Variants in PRPF6 observed in about 807,000 individuals in gnomAD.
The protein encoded by PRPF6 is pre-mRNA-processing factor 6.
Under a neutral mutation model 118.3 loss-of-function variants are expected in PRPF6, and 42 were observed. The observed-to-expected ratio is 0.35, with a 90% CI of 0.28 to 0.46. The LOEUF is 0.46. PRPF6 is among the 20% of genes least tolerant of loss of function. The pLI is 1.00. For synonymous variants in PRPF6, 481 were observed against 485.1 expected, an observed-to-expected ratio of 0.99 and a Z score of 0.11; for missense variants, 662 against 1,255.7, an observed-to-expected ratio of 0.53 and a Z score of 7.15.
chr20:64,015,336 G>A (rs2059232213), intron 11 of PRPF6, among the ~76,000 whole-genome samples: 1 of 152,190 alleles, frequency 6.6e-6, no homozygotes, highest in South Asian at 2.1e-4. Flanking sequence ...CTGGGTCCTT[G>A]CCCCACGCAT....
chr20:64,023,268 G>T (rs891725032), intron 13 of PRPF6, among the ~76,000 whole-genome samples: 1 of 152,242 alleles, frequency 6.6e-6, no homozygotes, highest in Admixed American at 6.5e-5. Context: ...TTTAAGCTGT[G>T]CTGGCTTTGG....
At position 64,029,566 on chromosome 20, in the gene PRPF6, TC is replaced by T. The variant is rs2059305730; in HGVS notation, c.2546+77del. ...CTTTTTCCAGAGTCTGTCTGCCTCTTCCTGGTCATTGTAAAGATGCCCGGCA... is the reference window on the plus strand; with the variant it reads ...CTTTTTCCAGAGTCTGTCTGCCTCTTCTGGTCATTGTAAAGATGCCCGGCA... On this transcript the variant is annotated intron_variant, in intron 19 of 20. Transcript: ENST00000266079. The surrounding 1 kb of genome is among the most constrained non-coding windows in gnomAD (Gnocchi z 4.8). 1 of 1,291,402 alleles carries T rather than the reference TC, an allele frequency of 7.7e-7. No homozygotes were observed. Among genetic ancestry groups the T allele is most frequent in the Non-Finnish European group, 1.1e-6 (1 of 893,308 alleles). The allele number at this position is 1,291,402 out of a possible 1,614,324, so 80.0% of individuals were successfully genotyped here.
intron 14 of PRPF6, among the ~76,000 whole-genome samples, 162 bp downstream of exon 14, chr20:64,024,855 G>T (rs926399240): frequency 3.9e-5 from 6 of 152,154 alleles, no homozygotes; most frequent in Non-Finnish European, 8.8e-5. Context: ...CCGTGAAGGG[G>T]CCCGAGAGCA....
At chr20:63,990,690 G>A (rs2059114888) in intron 3 of PRPF6, among the ~76,000 whole-genome samples, 1 of 150,134 alleles carries the variant, frequency 6.7e-6, no homozygotes, top group South Asian at 2.1e-4. Flanking sequence ...TATTGCCCAG[G>A]CTGGAGTGCA....
intron 9 of PRPF6, among the ~76,000 whole-genome samples, chr20:64,009,007 G>A (rs952600178): frequency 2.6e-5 from 4 of 151,934 alleles, no homozygotes; most frequent in South Asian, 2.1e-4. Flanking sequence ...ATTTTAGGTC[G>A]GGCGTGGTGG....
At chr20:63,998,012 A>G (rs1002411026) in intron 6 of PRPF6, among the ~76,000 whole-genome samples, 6 of 152,270 alleles carry the variant, frequency 3.9e-5, no homozygotes, top group East Asian at 1.9e-4. Flanking sequence ...CCTTTTGACT[A>G]TTGTGAATAA....
intron 9 of PRPF6, among the ~76,000 whole-genome samples, chr20:64,009,776 A>G (rs528978402): frequency 2.0e-5 from 3 of 152,316 alleles, no homozygotes; most frequent in African/African-American, 4.8e-5. Flanking sequence ...GTGCCTCTCA[A>G]TCAATCCATA....
At chr20:63,999,465 T>C (rs966285146) in intron 7 of PRPF6, 138 bp from the exon 8 acceptor site, 3 of 1,193,464 alleles carry the variant, frequency 2.5e-6, no homozygotes, top group Non-Finnish European at 2.5e-6. Flanking sequence ...CACTGAGGTT[T>C]TGAGTTGGTT....
At chr20:64,021,253 G>A (rs1370042370) in intron 12 of PRPF6, among the ~76,000 whole-genome samples, 2 of 150,480 alleles carry the variant, frequency 1.3e-5, no homozygotes, top group South Asian at 2.1e-4. Context: ...GCGTGTGTGC[G>A]TGCACGTATG....
chr20:64,004,941 G>A lies in PRPF6; in HGVS notation c.1186+3702G>A, dbSNP rs116584728. Among the ~76,000 whole-genome samples the A allele has an allele frequency of 2.8e-3, 424 of 152,300 alleles. 3 individuals carry two copies. Among genetic ancestry groups the A allele is most frequent in the African/African-American group, 9.9e-3 (413 of 41,564 alleles). Reference sequence around the variant, plus strand: ...TGGCCGTCGCCAGCGTGTCCCTCTGGGGGCACAGGAATGGCACAGTTCAGG... The same window carrying A: ...TGGCCGTCGCCAGCGTGTCCCTCTGAGGGCACAGGAATGGCACAGTTCAGG... On this transcript the variant is annotated intron_variant, in intron 9 of 20. Transcript: ENST00000266079.
chr20:63,981,147 C>G lies in PRPF6; in HGVS notation c.-99C>G, dbSNP rs562369921. 3.5e-4 allele frequency: 451 copies of G among 1,301,398 alleles called. 2 individuals carry two copies. The African/African-American group carries it at 6.0e-3, about 17-fold the overall frequency. The allele number at this position is 1,301,398 out of a possible 1,614,324, so 80.6% of individuals were successfully genotyped here. Reference sequence around the variant, plus strand: ...GTGACGCGACGACGGCGACACTTTGCTACGGAGTGCATCGGACGTCGAAGC... The same window carrying G: ...GTGACGCGACGACGGCGACACTTTGGTACGGAGTGCATCGGACGTCGAAGC... On this transcript the variant is annotated 5_prime_UTR_variant, in exon 1 of 21. Transcript: ENST00000266079.
chr20:64,031,480 C>T (rs1393484347), intron 19 of PRPF6, among the ~76,000 whole-genome samples: 1 of 151,956 alleles, frequency 6.6e-6, no homozygotes, highest in African/African-American at 2.4e-5. Context: ...TGAGACCACC[C>T]TGACCAACAC....
chr20:64,028,716 CT>C lies in PRPF6; in HGVS notation c.2431+150del. The C allele has an allele frequency of 2.4e-6, 2 of 823,514 alleles. No homozygotes were observed. The highest frequency in any genetic ancestry group is 2.4e-5 in the Admixed American group (1 of 42,538). The allele number at this position is 823,514 out of a possible 1,614,324, so 51.0% of individuals were successfully genotyped here. A position where few individuals can be genotyped will look rare whatever the true frequency, so the allele number is the denominator to read the frequency against. On this transcript the variant is annotated intron_variant, in intron 18 of 20. Coordinates refer to ENST00000266079, the MANE Select transcript of PRPF6 (RefSeq NM_012469.4). The surrounding 1 kb of genome is among the most constrained non-coding windows in gnomAD (Gnocchi z 6.5). ...AGTGGGGGCTCAGGCTTCAGACGGA[CT>C]TTATTAAAATGTGTAGTTTGTGTGA...
chr20:64,001,710 C>T (rs912130179), intron 9 of PRPF6, among the ~76,000 whole-genome samples: 39 of 152,366 alleles, frequency 2.6e-4, no homozygotes, highest in East Asian at 3.9e-4. Context: ...GCTGACGAGG[C>T]TGTGCCTTCT....
intron 11 of PRPF6, among the ~76,000 whole-genome samples, chr20:64,013,532 G>C (rs1378280259): frequency 6.6e-6 from 1 of 151,716 alleles, no homozygotes; most frequent in Admixed American, 6.6e-5. Context: ...CTGCATCCTT[G>C]ACCTGGGCTC....
At position 64,028,605 on chromosome 20, in the gene PRPF6, C is replaced by T. The variant is rs770092355; in HGVS notation, c.2431+36C>T. The T allele has an allele frequency of 1.9e-6, 3 of 1,602,024 alleles. No homozygotes were observed. The highest frequency in any genetic ancestry group is 2.2e-5 in the South Asian group (2 of 90,190). On this transcript the variant is annotated intron_variant, in intron 18 of 20. Transcript: ENST00000266079. This position sits in a 1 kb window ranked among gnomAD's most constrained non-coding sequence, Gnocchi z 6.5. ...GCCCCGACTCCGGTAAGGGGGTGCC[C>T]TGACTCCGGTAAGGGGGTGCCTTGA...
intron 1 of PRPF6, among the ~76,000 whole-genome samples, chr20:63,981,662 G>A (rs1044457413): frequency 1.6e-5 from 1 of 61,968 alleles, no homozygotes; most frequent in Non-Finnish European, 3.5e-5. Context: ...CCGCCCGCCC[G>A]CCCGCCCCGC....
intron 4 of PRPF6, 24 bp from the exon 5 acceptor site, chr20:63,994,892 T>G: frequency 6.2e-7 from 1 of 1,613,904 alleles, no homozygotes; most frequent in South Asian, 1.1e-5. Context: ...AGAATTAATG[T>G]TTTTGGGGGC....
At chr20:64,003,220 G>T (rs746023492) in intron 9 of PRPF6, among the ~76,000 whole-genome samples, 2 of 152,216 alleles carry the variant, frequency 1.3e-5, no homozygotes, top group Admixed American at 6.5e-5. Flanking sequence ...GGGATTACAG[G>T]CATCAGCCGT....
Sources: gnomAD v4.1 joint callset for allele counts (sites outside exome capture counted in the v4.1 genomes callset) on GRCh38, gnomAD v4.1.1 for gene constraint, Gnocchi (gnomAD v3.1) non-coding constraint, MANE v1.5 for transcripts, NCBI Gene and HGNC (gene_info 2026-07-23, HGNC 2026-07-21) for gene names.